TIAM2: variants seen among roughly 807,000 people sequenced by gnomAD.
TIAM2 encodes TIAM Rac1 associated GEF 2.
A neutral mutation model predicts 152.9 loss-of-function variants in TIAM2; 80 were observed. That is an observed-to-expected ratio of 0.52 (90% CI 0.44 to 0.63). The LOEUF is 0.63. Ranked by LOEUF, TIAM2 falls within the 30% of genes least tolerant of loss-of-function variation. TIAM2 has a pLI of 0.00. For synonymous variants in TIAM2, 804 were observed against 838.0 expected, an observed-to-expected ratio of 0.96 and a Z score of 0.70; for missense variants, 1,965 against 2,120.1, an observed-to-expected ratio of 0.93 and a Z score of 1.44.
chr6:155,032,380 A>G (rs960051919), intron 1 of TIAM2, among the ~76,000 whole-genome samples: 56 of 152,306 alleles, frequency 3.7e-4, no homozygotes, highest in African/African-American at 1.2e-3. Flanking sequence ...AATCTATGTC[A>G]TGCGTGGCAT....
intron 26 of TIAM2, chr6:155,255,272 CTAAGT>C (rs1783926922): frequency 6.6e-6 from 1 of 152,176 alleles, no homozygotes; most frequent in Non-Finnish European, 1.5e-5. Context: ...GTAATGCCAT[CTAAGT>C]TAAGGGGCCT....
chr6:155,165,463 A>C, intron 9 of TIAM2, 54 bp downstream of exon 9: 1 of 1,565,164 alleles, frequency 6.4e-7, no homozygotes, highest in South Asian at 1.2e-5. Flanking sequence ...TGAAACCCCT[A>C]ATTTTCGGCC....
intron 2 of TIAM2, among the ~76,000 whole-genome samples, chr6:155,105,670 T>G (rs1026282779): frequency 6.6e-6 from 1 of 151,788 alleles, no homozygotes; most frequent in African/African-American, 2.4e-5. Context: ...TTGCCCAGGC[T>G]GGTCTCCTAG....
At chr6:155,168,842 C>G in intron 9 of TIAM2, 1 of 1,535,178 alleles carries the variant, frequency 6.5e-7, no homozygotes, top group African/African-American at 1.4e-5. Flanking sequence ...CCCCATCTGT[C>G]AGATATTTGA....
intron 1 of TIAM2, chr6:155,004,993 A>T: frequency 6.6e-6 from 3 of 457,158 alleles, no homozygotes; most frequent in East Asian, 7.5e-5. Context: ...ACCTTAAGCC[A>T]TTTGCCCCAT....
chr6:155,012,333 A>T lies in TIAM2; in HGVS notation c.-209+16841A>T, dbSNP rs1447343960. On this transcript the variant is annotated intron_variant, in intron 1 of 26. Transcript: ENST00000682666. ...GAGCAGGAAGGGAATGATAATCCTTAACAGTATTTTGATTTTTCTCACTTT... is the reference window on the plus strand; with the variant it reads ...GAGCAGGAAGGGAATGATAATCCTTTACAGTATTTTGATTTTTCTCACTTT... 2.6e-5 allele frequency among the ~76,000 whole-genome samples: 4 copies of T among 152,288 alleles called. No individual in the cohort carries two copies. The East Asian group carries it at 5.8e-4, about 22-fold the overall frequency.
Position 155,086,724 on chromosome 6 carries a change from A to AAC in TIAM2, c.-208-3565_-208-3564insAC, listed in dbSNP as rs397778790. 1.6e-4 allele frequency among the ~76,000 whole-genome samples: 23 copies of AAC among 146,492 alleles called. No homozygotes were observed. In the East Asian group the frequency reaches 1.8e-3, roughly 12 times the overall value. ...TCCATCTTGGAAAAAAAAAAAAAAA[A>AAC]CCCCAACAAAAACCACCAAAATGAC... On this transcript the variant is annotated intron_variant, in intron 1 of 26. Transcript: ENST00000682666.
intron 15 of TIAM2, among the ~76,000 whole-genome samples, chr6:155,234,114 C>T (rs1258859073): frequency 6.6e-6 from 1 of 151,598 alleles, no homozygotes; most frequent in Admixed American, 6.6e-5. Flanking sequence ...TGGTTTCATG[C>T]TCTTTTATGA....
At chr6:155,047,688 G>GAGAGAGA (rs71023609) in intron 1 of TIAM2, among the ~76,000 whole-genome samples, 17 of 44,714 alleles carry the variant, frequency 3.8e-4, no homozygotes, top group African/African-American at 1.3e-3. Flanking sequence ...GAGAGAGAGA[G>GAGAGAGA]GAGAGAGAGA....
chr6:155,052,113 CCTGTGGTCT>C (rs1372556331), intron 1 of TIAM2, among the ~76,000 whole-genome samples: 1 of 152,002 alleles, frequency 6.6e-6, no homozygotes, highest in African/African-American at 2.4e-5. Context: ...GCACTTGTTA[CCTGTGGTCT>C]CTGTGGGAAG....
In TIAM2 at chr6:155,021,592, A is replaced by T. The variant is rs145133669; in HGVS notation, c.-209+26100A>T. Among the ~76,000 whole-genome samples the T allele has an allele frequency of 6.8e-3, 1,029 of 152,216 alleles. 4 individuals are homozygous for T. The highest frequency in any genetic ancestry group is 0.011 in the Non-Finnish European group (759 of 68,008). On this transcript the variant is annotated intron_variant, in intron 1 of 26. Coordinates refer to ENST00000682666, the MANE Select transcript of TIAM2 (RefSeq NM_012454.4). ...TCTATTTTTAATTCTTTGAAAAACC[A>T]CTATGTTGTTTTTCACAGCCCCTGC...
At chr6:155,075,098 TG>T (rs1265258076) in intron 1 of TIAM2, among the ~76,000 whole-genome samples, 1 of 152,080 alleles carries the variant, frequency 6.6e-6, no homozygotes, top group African/African-American at 2.4e-5. Context: ...AATGCAATCC[TG>T]GCTACTCCAG....
chr6:155,001,000 A>G (rs1299022398), intron 1 of TIAM2, among the ~76,000 whole-genome samples: 1 of 152,188 alleles, frequency 6.6e-6, no homozygotes, highest in Non-Finnish European at 1.5e-5. Flanking sequence ...ACAAACAAAA[A>G]AAGAAACCAG....
At chr6:155,009,093 T>A (rs1393630956) in intron 1 of TIAM2, among the ~76,000 whole-genome samples, 1 of 3,374 alleles carries the variant, frequency 3.0e-4, no homozygotes, top group South Asian at 0.029. Flanking sequence ...CAGAAGATCT[T>A]TTTTTTTTTT....
At chr6:155,001,500 G>A (rs928010460) in intron 1 of TIAM2, among the ~76,000 whole-genome samples, 4 of 152,234 alleles carry the variant, frequency 2.6e-5, no homozygotes, top group African/African-American at 9.6e-5. Context: ...CCCACGGATG[G>A]TTACCGCCAG....
chr6:155,238,569 A>G (rs900979610), intron 15 of TIAM2, among the ~76,000 whole-genome samples: 2 of 152,198 alleles, frequency 1.3e-5, no homozygotes, highest in African/African-American at 2.4e-5. Flanking sequence ...GTAGGCCTGG[A>G]ACGTTACTGG....
At chr6:155,210,382 G>A (rs748551928) in intron 14 of TIAM2, among the ~76,000 whole-genome samples, 3 of 151,296 alleles carry the variant, frequency 2.0e-5, no homozygotes, top group South Asian at 2.1e-4. Context: ...GCAGTGGCAC[G>A]ATTACTGCTC....
intron 2 of TIAM2, among the ~76,000 whole-genome samples, chr6:155,115,961 A>G (rs1236334302): frequency 6.6e-6 from 1 of 152,090 alleles, no homozygotes; most frequent in Non-Finnish European, 1.5e-5. Context: ...CAAATACAAA[A>G]ATTAGCTGGA....
intron 1 of TIAM2, among the ~76,000 whole-genome samples, chr6:155,080,618 A>G (rs906995250): frequency 6.6e-5 from 10 of 151,722 alleles, no homozygotes; most frequent in Non-Finnish European, 1.5e-4. Context: ...TTTTGTATTT[A>G]TAGTGGAGAC....
Sources: allele counts gnomAD v4.1 joint callset (sites outside exome capture counted in the v4.1 genomes callset), GRCh38; gene constraint gnomAD v4.1.1; transcripts MANE v1.5; gene names NCBI Gene and HGNC (gene_info 2026-07-23, HGNC 2026-07-21).